The following VWA3A variants were observed in gnomAD, a reference collection of about 807,000 sequenced individuals.
The protein encoded by VWA3A is von Willebrand factor A domain-containing protein 3A.
VWA3A carries 134 observed loss-of-function variants against 160.4 expected under a neutral mutation model. The ratio of observed to expected loss-of-function variants is 0.84; its 90% CI spans 0.73 to 0.96. VWA3A has a LOEUF of 0.96. Ranked by LOEUF, VWA3A falls within the 40% of genes least tolerant of loss-of-function variation. The probability of loss-of-function intolerance (pLI) is 0.00; values close to 1 mark genes in which losing one functional copy is unlikely to be tolerated. For synonymous variants in VWA3A, 476 were observed against 543.4 expected (o/e 0.88, Z 1.72); for missense variants, 1,310 against 1,447.9 (o/e 0.90, Z 1.55).
intron 30 of VWA3A, 95 bp from the exon 31 acceptor site, chr16:22,152,416 G>A (rs2046365127): frequency 6.7e-7 from 1 of 1,497,096 alleles, no homozygotes; most frequent in Non-Finnish European, 9.0e-7. Context: ...TTTCTCTTAA[G>A]CCCCACGGAC....
intron 23 of VWA3A, among the ~76,000 whole-genome samples, chr16:22,141,024 C>T (rs2046137221): frequency 6.6e-6 from 1 of 152,188 alleles, no homozygotes. Context: ...CCATTTAAAG[C>T]CTATAATGAT....
intron 3 of VWA3A, among the ~76,000 whole-genome samples, chr16:22,099,380 A>G (rs2045373996): frequency 2.0e-5 from 3 of 152,180 alleles, no homozygotes. Context: ...CATGGTTAGA[A>G]GCATGACTTG....
At chr16:22,105,257 C>G (rs1002677101) in intron 6 of VWA3A, among the ~76,000 whole-genome samples, 1 of 152,160 alleles carries the variant, frequency 6.6e-6, no homozygotes, top group African/African-American at 2.4e-5. Flanking sequence ...TCAAAGTGGG[C>G]GGGGATTGAT....
chr16:22,144,473 T>C, intron 26 of VWA3A, 89 bp downstream of exon 26: 1 of 1,511,546 alleles, frequency 6.6e-7, no homozygotes, highest in Non-Finnish European at 8.8e-7. Flanking sequence ...GTGGCCTCTA[T>C]TTCTGCTTGT....
At chr16:22,128,045 G>A (rs747782050) in intron 17 of VWA3A, among the ~76,000 whole-genome samples, 18 of 152,242 alleles carry the variant, frequency 1.2e-4, no homozygotes, top group South Asian at 6.2e-4. Flanking sequence ...AGAGGCAACA[G>A]CATGAGCAGA....
At chr16:22,098,188 C>T (rs545657931) in intron 3 of VWA3A, among the ~76,000 whole-genome samples, 15 of 152,286 alleles carry the variant, frequency 9.8e-5, no homozygotes, top group African/African-American at 3.6e-4. Flanking sequence ...ACCAGGGACA[C>T]AGTGGCAATC....
intron 21 of VWA3A, among the ~76,000 whole-genome samples, chr16:22,135,749 C>T (rs1007242302): frequency 6.6e-6 from 1 of 152,158 alleles, no homozygotes; most frequent in African/African-American, 2.4e-5. Flanking sequence ...CCAGACCTTT[C>T]ATGGCTTGCT....
rs774859314 is a variant in VWA3A, at chr16:22,149,673, G to T, written c.2985-114G>T. 4 of 1,324,042 alleles carry T rather than the reference G, an allele frequency of 3.0e-6. No homozygotes were observed. The African/African-American group carries it at 6.0e-5, about 20-fold the overall frequency. 82.0% of individuals were successfully genotyped at this position (1,324,042 alleles called of 1,614,324 possible). A position where few individuals can be genotyped will look rare whatever the true frequency, so the allele number is the denominator to read the frequency against. On this transcript the variant is annotated intron_variant, in intron 28 of 33. Coordinates refer to ENST00000389398, the MANE Select transcript of VWA3A (RefSeq NM_173615.5). ...TCGTTGTAGGGGTCTTCAGTGACGA[G>T]CAAGAATAGTCCTCATGAGGGTAAC...
At chr16:22,094,440 G>A (rs2045284821) in intron 1 of VWA3A, among the ~76,000 whole-genome samples, 1 of 152,026 alleles carries the variant, frequency 6.6e-6, no homozygotes. Flanking sequence ...CCATTATTAG[G>A]CTGTTTAATT....
intron 11 of VWA3A, among the ~76,000 whole-genome samples, chr16:22,117,420 C>T (rs776962389): frequency 7.2e-5 from 11 of 152,160 alleles, no homozygotes; most frequent in Non-Finnish European, 7.3e-5. Context: ...TGATTGAATG[C>T]GTGGGAGCCC....
intron 28 of VWA3A, 66 bp downstream of exon 28, chr16:22,148,372 GC>G: frequency 1.3e-6 from 2 of 1,518,064 alleles, no homozygotes; most frequent in Non-Finnish European, 1.8e-6. Flanking sequence ...GGCCAAGCAC[GC>G]CCCCTCTTCT....
chr16:22,115,939 A>G, intron 9 of VWA3A, among the ~76,000 whole-genome samples: 1 of 44,336 alleles, frequency 2.3e-5, no homozygotes, highest in Non-Finnish European at 3.4e-5. Context: ...AAGGAAAGGA[A>G]GGGAGGAGGG....
intron 32 of VWA3A, 76 bp downstream of exon 32, chr16:22,155,740 G>T: frequency 1.2e-6 from 2 of 1,601,624 alleles, no homozygotes; most frequent in East Asian, 2.2e-5. Flanking sequence ...ATCGAGAAGG[G>T]CCGCACCCAT....
chr16:22,100,319 G>C lies in VWA3A; in HGVS notation c.350+1G>C. On this transcript the variant is annotated splice_donor_variant, in intron 4 of 33. Transcript: ENST00000389398. LOFTEE classifies it high-confidence loss of function. ...TGATAAGCCAGGGCACAGAAGTGCT[G>C]TAAGTCTGAAGCTGTTCCCCGCACC... is the stretch of plus-strand genomic sequence containing the variant. 6.4e-7 allele frequency: 1 copy of C among 1,551,600 alleles called. No homozygotes were observed. The highest frequency in any genetic ancestry group is 8.7e-7 in the Non-Finnish European group (1 of 1,146,998).
intron 31 of VWA3A, among the ~76,000 whole-genome samples, chr16:22,154,750 C>T (rs1205925608): frequency 1.4e-5 from 2 of 147,482 alleles, no homozygotes; most frequent in South Asian, 4.3e-4. Context: ...GTCAGGAGAT[C>T]GAGACCATCC....
chr16:22,114,448 G>A (rs1269531746), intron 8 of VWA3A, among the ~76,000 whole-genome samples: 1 of 152,096 alleles, frequency 6.6e-6, no homozygotes, highest in Admixed American at 6.6e-5. Context: ...GTGGGTATGG[G>A]TAAGAAGGAA....
chr16:22,126,921 CTG>C (rs2045859875), intron 17 of VWA3A, among the ~76,000 whole-genome samples: 2 of 137,176 alleles, frequency 1.5e-5, no homozygotes, highest in African/African-American at 2.9e-5. Context: ...ATTTTTAAAA[CTG>C]TATAATTTAG....
At chr16:22,109,748 AC>A (rs1381202097) in intron 7 of VWA3A, among the ~76,000 whole-genome samples, 168 bp downstream of exon 7, 2 of 152,232 alleles carry the variant, frequency 1.3e-5, no homozygotes, top group Non-Finnish European at 1.5e-5. Context: ...GTTGAATTCT[AC>A]AAAACCCAAC....
In VWA3A at chr16:22,142,709, A is replaced by G. The variant is rs756342535; in HGVS notation, c.2536A>G (p.Arg846Gly). 8 of 1,575,764 alleles carry G rather than the reference A, an allele frequency of 5.1e-6. No homozygotes were observed. In the African/African-American group the frequency reaches 1.1e-4, roughly 21 times the overall value. Residue 846 changes from arginine to glycine, a missense_variant, in exon 25 of 34, where the codon AGG (arginine) becomes GGG (glycine). Physicochemically the swap from Arg to Gly is moderately radical, Grantham distance 125. Coordinates refer to ENST00000389398, the MANE Select transcript of VWA3A (RefSeq NM_173615.5). ...GTACCCTCAAGGAAGGGGCTTGAGA[A>G]GGACTAGCTCTTCTATTGACTTACC... The part of the protein sequence containing the change: ...KKYPQGRGLR[R>G]TSSSIDLPRK...
Sources: allele counts gnomAD v4.1 joint callset (sites outside exome capture counted in the v4.1 genomes callset), GRCh38; gene constraint gnomAD v4.1.1; transcripts MANE v1.5; gene names NCBI Gene and HGNC (gene_info 2026-07-23, HGNC 2026-07-21).